Variants in CAPN8 observed in about 807,000 individuals in gnomAD.
CAPN8 encodes calpain-8.
In CAPN8, 87 loss-of-function variants were observed where a neutral mutation model predicts 80.9. The observed-to-expected ratio is 1.07, with a 90% CI of 0.90 to 1.28. CAPN8 has a LOEUF of 1.28. Among genes scored for constraint, CAPN8 ranks in the 50% most tolerant of loss-of-function variants. The pLI is 0.00. For missense variants in CAPN8, 757 were observed against 702.0 expected (o/e 1.08, Z -0.89); for synonymous variants, 299 against 273.8 (o/e 1.09, Z -0.91).
At chr1:223,660,546 G>A (rs1353714540) in intron 1 of CAPN8, among the ~76,000 whole-genome samples, 1 of 152,126 alleles carries the variant, frequency 6.6e-6, no homozygotes, top group Non-Finnish European at 1.5e-5. Flanking sequence ...GAAACCCTTG[G>A]GACAAGAGCT....
chr1:223,548,204 T>C (rs74372558), intron 16 of CAPN8, among the ~76,000 whole-genome samples: 1,954 of 151,804 alleles, frequency 0.013, 21 homozygotes, highest in Middle Eastern at 0.054. Flanking sequence ...CCCAAGGAAC[T>C]GAGAAAAACC....
chr1:223,633,941 A>C (rs1657843711), intron 2 of CAPN8, among the ~76,000 whole-genome samples: 1 of 152,218 alleles, frequency 6.6e-6, no homozygotes. Flanking sequence ...GAAACCCTAC[A>C]GTAGCCCCTA....
intron 19 of CAPN8, 125 bp downstream of exon 19, chr1:223,543,942 T>C: frequency 1.6e-6 from 1 of 623,918 alleles, no homozygotes; most frequent in Non-Finnish European, 2.9e-6. Flanking sequence ...CCAGAAGCCC[T>C]GTCTATCATT....
At chr1:223,627,457 T>C (rs1250591684) in intron 4 of CAPN8, among the ~76,000 whole-genome samples, 1 of 152,164 alleles carries the variant, frequency 6.6e-6, no homozygotes, top group Non-Finnish European at 1.5e-5. Context: ...GGGGCACAGA[T>C]GGGGAGAAGG....
intron 9 of CAPN8, chr1:223,617,478 G>A (rs1657234172): frequency 6.6e-6 from 1 of 152,170 alleles, no homozygotes; most frequent in Non-Finnish European, 1.5e-5. Context: ...CTTCCTGACA[G>A]CTAGTTGGCA....
chr1:223,646,723 G>C (rs1233518845), intron 2 of CAPN8, among the ~76,000 whole-genome samples: 1 of 152,188 alleles, frequency 6.6e-6, no homozygotes, highest in African/African-American at 2.4e-5. Context: ...AGAAGCCCAA[G>C]ACTCACAGCC....
intron 2 of CAPN8, among the ~76,000 whole-genome samples, chr1:223,635,155 G>A (rs1254809739): frequency 1.3e-5 from 2 of 152,164 alleles, no homozygotes; most frequent in African/African-American, 4.8e-5. Context: ...CACAGCTGAG[G>A]CATCCTTAGC....
intron 2 of CAPN8, among the ~76,000 whole-genome samples, chr1:223,629,232 T>TGTGTGTGTGTGTGTG (rs68132305): frequency 0.032 from 4,214 of 132,500 alleles, 113 homozygotes; most frequent in East Asian, 0.04. Context: ...GTGTGTGTGT[T>TGTGTGTGTGTGTGTG]TATGTTCCTT....
At chr1:223,648,328 G>A (rs1044759850) in intron 2 of CAPN8, among the ~76,000 whole-genome samples, 9 of 152,318 alleles carry the variant, frequency 5.9e-5, no homozygotes, top group African/African-American at 2.2e-4. Context: ...TTCCCACCTC[G>A]GAGGCCTGAC....
chr1:223,542,187 A>ATG (rs1333350196), intron 20 of CAPN8, among the ~76,000 whole-genome samples: 3 of 151,204 alleles, frequency 2.0e-5, no homozygotes, highest in Non-Finnish European at 4.4e-5. Context: ...TACACTATAT[A>ATG]TGTGTGTGTA....
intron 2 of CAPN8, among the ~76,000 whole-genome samples, chr1:223,629,686 T>C (rs1325439172): frequency 1.3e-5 from 2 of 152,218 alleles, no homozygotes; most frequent in Non-Finnish European, 2.9e-5. Context: ...ACTTATTTGC[T>C]TATTCCACAC....
chr1:223,643,388 T>C (rs1329125052), intron 2 of CAPN8, among the ~76,000 whole-genome samples: 1 of 152,188 alleles, frequency 6.6e-6, no homozygotes, highest in Non-Finnish European at 1.5e-5. Context: ...TGGCATCTCC[T>C]AGCAAGATGA....
chr1:223,557,912 G>C (rs1656942154), intron 13 of CAPN8, among the ~76,000 whole-genome samples: 1 of 152,228 alleles, frequency 6.6e-6, no homozygotes, highest in South Asian at 2.1e-4. Flanking sequence ...CGATGGCTAA[G>C]ACCTCCCCCA....
intron 12 of CAPN8, among the ~76,000 whole-genome samples, chr1:223,558,722 C>T (rs905637277): frequency 2.0e-5 from 3 of 150,922 alleles, no homozygotes; most frequent in Non-Finnish European, 4.4e-5. Context: ...TGTGTGTGTA[C>T]TGTATGATGT....
chr1:223,558,701 G>A (rs1656958408), intron 12 of CAPN8, among the ~76,000 whole-genome samples: 1 of 151,762 alleles, frequency 6.6e-6, no homozygotes, highest in Admixed American at 6.6e-5. Context: ...TGGTGTGTGT[G>A]AATGGTGTAC....
At chr1:223,635,334 C>T (rs1657888112) in intron 2 of CAPN8, among the ~76,000 whole-genome samples, 2 of 152,164 alleles carry the variant, frequency 1.3e-5, no homozygotes, top group South Asian at 4.1e-4. Flanking sequence ...TTAAAACACA[C>T]ACACACAAAC....
chr1:223,662,404 G>A (rs543008747), intron 1 of CAPN8, among the ~76,000 whole-genome samples: 90 of 151,914 alleles, frequency 5.9e-4, no homozygotes, highest in African/African-American at 1.9e-3. Flanking sequence ...AGCCAAGATC[G>A]CGCCACTGCA....
Position 223,628,737 on chromosome 1 carries a change from A to G in CAPN8, c.351T>C (p.Asn117=). ...GGACCACCCGGTAAAGCAGCTCTTCATTCAGGGTCAGGGAGGCAATGGCAG... is the reference window on the plus strand; with the variant it reads ...GGACCACCCGGTAAAGCAGCTCTTCGTTCAGGGTCAGGGAGGCAATGGCAG... The part of the protein sequence containing the change: ...LLAAIASLTL[N]EELLYRVVPR... Residue 117 remains asparagine, a synonymous_variant, in exon 3 of 21, where the codon AAT becomes AAC. Coordinates refer to ENST00000366872, the MANE Select transcript of CAPN8 (RefSeq NM_001143962.2). The G allele has an allele frequency of 6.4e-7, 1 of 1,553,342 alleles. No homozygotes were observed.
chr1:223,622,907 A>G lies in CAPN8; in HGVS notation c.814-7T>C. 1 of 1,549,758 alleles carries G rather than the reference A, an allele frequency of 6.5e-7. No homozygotes were observed. The highest frequency in any genetic ancestry group is 8.7e-7 in the Non-Finnish European group (1 of 1,145,260). ...GATGGCCCTGGAAATTCACCTGCAAATTCCATACACAGAAAAGCGACTGAA... is the reference window on the plus strand; with the variant it reads ...GATGGCCCTGGAAATTCACCTGCAAGTTCCATACACAGAAAAGCGACTGAA... On this transcript the variant is annotated splice_polypyrimidine_tract_variant and splice_region_variant and intron_variant, in intron 6 of 20. Transcript: ENST00000366872.
Sources: allele counts gnomAD v4.1 joint callset (sites outside exome capture counted in the v4.1 genomes callset), GRCh38; gene constraint gnomAD v4.1.1; transcripts MANE v1.5; gene names NCBI Gene and HGNC (gene_info 2026-07-23, HGNC 2026-07-21).